SHB: variants seen among roughly 807,000 people sequenced by gnomAD.
The protein encoded by SHB is SH2 domain-containing adapter protein B.
In SHB, 20 loss-of-function variants were observed where a neutral mutation model predicts 52.3. That is an observed-to-expected ratio of 0.38 (90% CI 0.27 to 0.56). The LOEUF (loss-of-function observed/expected upper bound fraction) is 0.56, where lower values mean the gene tolerates loss of function less well. Ranked by LOEUF, SHB falls within the 20% of genes least tolerant of loss-of-function variation. SHB has a pLI of 0.71. For synonymous variants in SHB, 397 were observed against 316.5 expected, an observed-to-expected ratio of 1.25 and a Z score of -2.70; for missense variants, 825 against 723.3, an observed-to-expected ratio of 1.14 and a Z score of -1.61.
At chr9:37,973,728 C>G (rs928993658) in intron 3 of SHB, among the ~76,000 whole-genome samples, 1 of 152,182 alleles carries the variant, frequency 6.6e-6, no homozygotes, top group Admixed American at 6.5e-5. Flanking sequence ...CCAAGTCACT[C>G]AAGGGGCTCT....
intron 1 of SHB, among the ~76,000 whole-genome samples, chr9:38,019,737 A>T (rs1821259704): frequency 6.8e-6 from 1 of 147,894 alleles, no homozygotes; most frequent in African/African-American, 2.5e-5. Flanking sequence ...TTTACTTCTC[A>T]GTATTTATTC....
intron 3 of SHB, among the ~76,000 whole-genome samples, chr9:37,962,751 ATCC>A (rs1318970382): frequency 1.3e-5 from 2 of 151,748 alleles, no homozygotes; most frequent in African/African-American, 4.8e-5. Context: ...GCCTCAAGTG[ATCC>A]TCCTACCTCA....
At chr9:37,957,993 T>A (rs1201802618) in intron 3 of SHB, among the ~76,000 whole-genome samples, 2 of 152,174 alleles carry the variant, frequency 1.3e-5, no homozygotes, top group Non-Finnish European at 2.9e-5. Context: ...CTGGGCTTCC[T>A]AGTCTTGGGA....
chr9:37,922,980 C>A (rs770513254), intron 5 of SHB, among the ~76,000 whole-genome samples: 2 of 152,232 alleles, frequency 1.3e-5, no homozygotes, highest in Non-Finnish European at 2.9e-5. Flanking sequence ...TCCACCGCTG[C>A]CCTCATCCCC....
intron 1 of SHB, among the ~76,000 whole-genome samples, chr9:38,022,635 C>T (rs1281625872): frequency 1.3e-5 from 2 of 152,216 alleles, no homozygotes; most frequent in Non-Finnish European, 2.9e-5. Flanking sequence ...CCCCATAACA[C>T]AGGCCCTAGC....
intron 1 of SHB, among the ~76,000 whole-genome samples, chr9:38,031,865 T>C (rs1380839981): frequency 2.0e-5 from 3 of 152,224 alleles, no homozygotes; most frequent in African/African-American, 7.2e-5. Context: ...AATCCCAGAC[T>C]TACCCATTTC....
intron 2 of SHB, among the ~76,000 whole-genome samples, chr9:38,014,488 C>G (rs767655261): frequency 6.6e-6 from 1 of 152,260 alleles, no homozygotes; most frequent in South Asian, 2.1e-4. Context: ...ACTCCCCCAG[C>G]CAGCCTGCTT....
intron 5 of SHB, among the ~76,000 whole-genome samples, chr9:37,943,326 G>GTTATAGGTGT (rs1217771412): frequency 1.3e-5 from 2 of 152,128 alleles, no homozygotes; most frequent in African/African-American, 4.8e-5. Flanking sequence ...TTCTCCGTGA[G>GTTATAGGTGT]TTATAGGTGT....
intron 2 of SHB, among the ~76,000 whole-genome samples, chr9:38,003,599 T>G (rs1395903660): frequency 5.9e-5 from 9 of 152,054 alleles, no homozygotes; most frequent in Non-Finnish European, 1.0e-4. Context: ...CAGCAGGGCT[T>G]CCATGGATTC....
intron 1 of SHB, among the ~76,000 whole-genome samples, chr9:38,043,317 G>C (rs1181337853): frequency 6.6e-6 from 1 of 152,194 alleles, no homozygotes; most frequent in African/African-American, 2.4e-5. Context: ...TAGACACATA[G>C]GGGACTGAAC....
chr9:38,047,982 G>A (rs1821680163), intron 1 of SHB, among the ~76,000 whole-genome samples: 1 of 152,210 alleles, frequency 6.6e-6, no homozygotes, highest in East Asian at 1.9e-4. Context: ...ACCACTTCCT[G>A]TGATCCTCAT....
intron 1 of SHB, among the ~76,000 whole-genome samples, chr9:38,063,642 GTC>G (rs1337369838): frequency 6.6e-6 from 1 of 152,204 alleles, no homozygotes; most frequent in Admixed American, 6.5e-5. Flanking sequence ...TTGTGATATT[GTC>G]TCTCTGGTTG....
intron 1 of SHB, among the ~76,000 whole-genome samples, chr9:38,036,519 T>C (rs1310933671): frequency 6.6e-6 from 1 of 152,174 alleles, no homozygotes; most frequent in African/African-American, 2.4e-5. Flanking sequence ...CCCTTGGGAA[T>C]GTTGCAAGAG....
At chr9:38,018,690 T>C (rs1954191165) in intron 1 of SHB, among the ~76,000 whole-genome samples, 1 of 152,130 alleles carries the variant, frequency 6.6e-6, no homozygotes, top group Admixed American at 6.5e-5. Context: ...TTTTGCAAAA[T>C]GATGTCCTAG....
At chr9:38,049,820 A>T (rs1358531984) in intron 1 of SHB, among the ~76,000 whole-genome samples, 1 of 143,258 alleles carries the variant, frequency 7.0e-6, no homozygotes, top group African/African-American at 2.6e-5. Context: ...TTTTTTGGAG[A>T]CAGAGTCTTG....
At chr9:37,999,183 A>G (rs1587236705) in intron 2 of SHB, among the ~76,000 whole-genome samples, 2 of 152,184 alleles carry the variant, frequency 1.3e-5, no homozygotes, top group Non-Finnish European at 2.9e-5. Context: ...AACCCAGTGG[A>G]GATCTCTGAG....
intron 1 of SHB, among the ~76,000 whole-genome samples, chr9:38,019,700 CA>C (rs559526040): frequency 1.4e-4 from 21 of 152,280 alleles, no homozygotes; most frequent in African/African-American, 5.1e-4. Flanking sequence ...TTAAAATCCC[CA>C]AATGCGCCAA....
chr9:38,024,101 G>T (rs980650382), intron 1 of SHB, among the ~76,000 whole-genome samples: 3 of 152,228 alleles, frequency 2.0e-5, no homozygotes, highest in African/African-American at 7.2e-5. Context: ...TACCTTCTAA[G>T]ATCTGGCTTG....
intron 5 of SHB, among the ~76,000 whole-genome samples, chr9:37,933,119 G>A (rs1832332489): frequency 6.6e-6 from 1 of 152,204 alleles, no homozygotes. Context: ...AAGGCATCGG[G>A]TTGACTGGGA....
Sources: allele counts gnomAD v4.1 joint callset (sites outside exome capture counted in the v4.1 genomes callset), GRCh38; gene constraint gnomAD v4.1.1; transcripts MANE v1.5; gene names NCBI Gene and HGNC (gene_info 2026-07-23, HGNC 2026-07-21).